Variants in IQSEC1 observed in about 807,000 individuals in gnomAD.
IQSEC1 encodes IQ motif and SEC7 domain-containing protein 1.
A neutral mutation model predicts 91.0 loss-of-function variants in IQSEC1; 31 were observed. The ratio of observed to expected loss-of-function variants is 0.34; its 90% CI spans 0.26 to 0.46. The LOEUF (loss-of-function observed/expected upper bound fraction) is 0.46. Ranked by LOEUF, IQSEC1 falls within the 20% of genes least tolerant of loss-of-function variation. The pLI is 1.00. For synonymous variants in IQSEC1, 699 were observed against 662.6 expected, an observed-to-expected ratio of 1.05 and a Z score of -0.84; for missense variants, 1,388 against 1,575.6, an observed-to-expected ratio of 0.88 and a Z score of 2.02.
chr3:13,235,111 G>A (rs988884569), intron 1 of IQSEC1, among the ~76,000 whole-genome samples: 9 of 152,172 alleles, frequency 5.9e-5, no homozygotes, highest in Admixed American at 2.0e-4. Context: ...GAGATCCATC[G>A]GTTTCCTCTG....
intron 1 of IQSEC1, among the ~76,000 whole-genome samples, chr3:13,028,436 G>C (rs965887007): frequency 6.6e-6 from 1 of 152,198 alleles, no homozygotes; most frequent in African/African-American, 2.4e-5. Context: ...GTTATGCCAT[G>C]GGAGGGTAGA....
intron 1 of IQSEC1, among the ~76,000 whole-genome samples, chr3:13,184,722 T>C (rs1277261337): frequency 6.6e-6 from 1 of 152,228 alleles, no homozygotes; most frequent in Non-Finnish European, 1.5e-5. Flanking sequence ...GAAAAGCTGC[T>C]GGAACTGTTA....
At position 13,215,333 on chromosome 3, in the gene IQSEC1, C is replaced by G. The variant is rs960887053; in HGVS notation, c.273-51200G>C. Among the ~76,000 whole-genome samples the G allele has an allele frequency of 2.6e-5, 4 of 151,394 alleles. No individual in the cohort carries two copies. The South Asian group carries it at 8.5e-4, about 32-fold the overall frequency. On this transcript the variant is annotated intron_variant, in intron 1 of 15. Coordinates refer to the IQSEC1 transcript ENST00000648114. ...AGAGGACACGCCAACTAGATTAGCA[C>G]AGATCATCAGCCTACAACCAAAGTA...
intron 1 of IQSEC1, among the ~76,000 whole-genome samples, chr3:12,968,451 T>C (rs1260172055): frequency 1.3e-5 from 2 of 152,190 alleles, no homozygotes; most frequent in African/African-American, 2.4e-5. Context: ...TTAGTGATAG[T>C]TGGCCTTCAA....
intron 3 of IQSEC1, among the ~76,000 whole-genome samples, chr3:12,926,896 C>T (rs1697191832): frequency 6.6e-6 from 1 of 152,222 alleles, no homozygotes; most frequent in South Asian, 2.1e-4. Flanking sequence ...GGAGCAGACA[C>T]CAGCCAGCTT....
chr3:13,057,542 C>A (rs1424727718), intron 1 of IQSEC1, among the ~76,000 whole-genome samples: 1 of 152,252 alleles, frequency 6.6e-6, no homozygotes, highest in Non-Finnish European at 1.5e-5. Flanking sequence ...CACATGCACA[C>A]GGGCTCTTCC....
rs144790333 is a variant in IQSEC1 at position 12,935,730 on chromosome 3, C to T, written c.1286G>A (p.Arg429Lys). ...EEPELRPRPP[R>K]PLDSHLAING... ...GATGGCCAAGTGGCTGTCCAGGGGC[C>T]TGGGGGGCCGGGGCCGCAACTCAGG... The change falls in exon 3 of 14, where the codon AGG (arginine) becomes AAG (lysine). Residue 429 changes from arginine (R) to lysine (K), a missense_variant. Physicochemically the swap from Arg to Lys is conservative, Grantham distance 26 (BLOSUM62 2). This residue lies in a region of IQSEC1 where 1,059 missense variants were observed against 1,317.8 expected (regional missense o/e 0.80). Coordinates refer to ENST00000613206, the MANE Select transcript of IQSEC1 (RefSeq NM_001134382.3). The surrounding 1 kb of genome is among the most constrained non-coding windows in gnomAD (Gnocchi z 8.0). The T allele has an allele frequency of 8.3e-4, 1,335 of 1,612,048 alleles. 15 individuals carry two copies. In the Middle Eastern group the frequency reaches 9.5e-3, roughly 11 times the overall value.
At chr3:12,988,691 C>A (rs1298711419) in intron 1 of IQSEC1, among the ~76,000 whole-genome samples, 1 of 152,160 alleles carries the variant, frequency 6.6e-6, no homozygotes, top group African/African-American at 2.4e-5. Flanking sequence ...TGGGGAGGGG[C>A]ACACGGGGGC....
At chr3:12,996,074 T>C (rs1466223674) in intron 1 of IQSEC1, among the ~76,000 whole-genome samples, 1 of 152,034 alleles carries the variant, frequency 6.6e-6, no homozygotes, top group Admixed American at 6.6e-5. Flanking sequence ...GGCAAGAGGA[T>C]TGCTTAAGCC....
chr3:13,082,592 G>C (rs145243959), intron 2 of IQSEC1, among the ~76,000 whole-genome samples: 38 of 152,324 alleles, frequency 2.5e-4, no homozygotes, highest in African/African-American at 8.4e-4. Flanking sequence ...CAGTCACTGG[G>C]CTCTCAGCAT....
chr3:13,176,625 C>T (rs1693735137), intron 1 of IQSEC1, among the ~76,000 whole-genome samples: 1 of 152,190 alleles, frequency 6.6e-6, no homozygotes, highest in Non-Finnish European at 1.5e-5. Context: ...ACCATGACCC[C>T]AGGCTTTGAG....
intron 6 of IQSEC1, among the ~76,000 whole-genome samples, chr3:12,918,465 CCTG>C (rs1696315497): frequency 2.6e-5 from 4 of 152,178 alleles, no homozygotes; most frequent in African/African-American, 9.7e-5. Flanking sequence ...TCTGGTTCCT[CCTG>C]CTATGTCTCA....
At chr3:13,269,081 A>T (rs903963241) in intron 1 of IQSEC1, among the ~76,000 whole-genome samples, 17 of 152,244 alleles carry the variant, frequency 1.1e-4, no homozygotes, top group African/African-American at 4.1e-4. Context: ...CAGCGGGAAC[A>T]GCATGAAGTG....
chr3:12,929,382 C>T (rs112995020), intron 3 of IQSEC1, among the ~76,000 whole-genome samples: 8 of 152,176 alleles, frequency 5.3e-5, no homozygotes, highest in African/African-American at 1.4e-4. Flanking sequence ...GGCAGAAGGA[C>T]GGGCAGGAAA....
At chr3:13,020,565 A>G (rs1703353855) in intron 1 of IQSEC1, among the ~76,000 whole-genome samples, 1 of 151,934 alleles carries the variant, frequency 6.6e-6, no homozygotes, top group Admixed American at 6.6e-5. Flanking sequence ...GGCAATTTTT[A>G]CCCCAACAGA....
chr3:13,074,373 G>T (rs968425004), upstream of IQSEC1, among the ~76,000 whole-genome samples: 10 of 152,108 alleles, frequency 6.6e-5, no homozygotes, highest in Admixed American at 1.3e-4. Context: ...GGAGGTGGAG[G>T]GGAGAAGCGC....
chr3:13,146,387 C>T (rs551153381), intron 2 of IQSEC1, among the ~76,000 whole-genome samples: 4 of 152,326 alleles, frequency 2.6e-5, no homozygotes, highest in East Asian at 1.9e-4. Flanking sequence ...CTGGTGCCTC[C>T]GCACCCTTCT....
chr3:13,182,142 A>T (rs1693854399), intron 1 of IQSEC1, among the ~76,000 whole-genome samples: 1 of 152,194 alleles, frequency 6.6e-6, no homozygotes, highest in Non-Finnish European at 1.5e-5. Flanking sequence ...TTACATTGGA[A>T]TCCCCTCTAG....
At chr3:13,269,118 C>A (rs2125141858) in intron 1 of IQSEC1, among the ~76,000 whole-genome samples, 1 of 152,266 alleles carries the variant, frequency 6.6e-6, no homozygotes, top group African/African-American at 2.4e-5. Context: ...CCGGAGTGAG[C>A]TGCAGTGCAG....
Sources: allele counts gnomAD v4.1 joint callset (sites outside exome capture counted in the v4.1 genomes callset), GRCh38; gene constraint gnomAD v4.1.1; regional missense constraint gnomAD v4.1.1; non-coding constraint Gnocchi (gnomAD v3.1); transcripts MANE v1.5; gene names NCBI Gene and HGNC (gene_info 2026-07-23, HGNC 2026-07-21).